Variants in CLCC1 observed in about 807,000 individuals in gnomAD.
The protein encoded by CLCC1 is chloride channel CLIC-like protein 1.
Under a neutral mutation model 63.3 loss-of-function variants are expected in CLCC1, and 39 were observed. That is an observed-to-expected ratio of 0.62 (90% confidence interval 0.48 to 0.81). The LOEUF is 0.81. CLCC1 is among the 30% of genes least tolerant of loss of function. The pLI is 0.00. For synonymous variants in CLCC1, 217 were observed against 239.8 expected, an observed-to-expected ratio of 0.90 and a Z score of 0.88; for missense variants, 549 against 669.4, an observed-to-expected ratio of 0.82 and a Z score of 1.98.
intron 2 of CLCC1, among the ~76,000 whole-genome samples, chr1:108,951,252 C>T (rs1211656197): frequency 1.3e-5 from 2 of 152,134 alleles, no homozygotes; most frequent in African/African-American, 2.4e-5. Flanking sequence ...CGTGGTAGCG[C>T]AAGCCAGTGA....
chr1:108,937,216 G>A lies in CLCC1; in HGVS notation c.1244C>T (p.Thr415Met), dbSNP rs759574194. 16 of 1,612,524 alleles carry A rather than the reference G, an allele frequency of 9.9e-6. No homozygotes were observed. Among genetic ancestry groups the A allele is most frequent in the East Asian group, 8.9e-5 (4 of 44,880 alleles). The part of the protein sequence containing the change: ...GPTEQGPYAK[T>M]YEGRREILRE... ...CAAAATCTCTCTTCTACCCTCATAC[G>A]TTTTGGCATAAGGGCCTTGCTCAGT... Residue 415 changes from threonine (T) to methionine (M), a missense_variant, in exon 11 of 13, where the codon ACG (threonine) becomes ATG (methionine). By Grantham distance (81) the Thr-to-Met change is moderately conservative. Transcript: ENST00000369969.
rs761540646 is a variant in CLCC1 at position 108,937,200 on chromosome 1, T to G, written c.1260A>C (p.Arg420Ser). The G allele has an allele frequency of 1.2e-6, 2 of 1,601,878 alleles. No homozygotes were observed. Among genetic ancestry groups the G allele is most frequent in the Non-Finnish European group, 1.7e-6 (2 of 1,175,410 alleles). ...GPYAKTYEGR[R>S]EILRERDVDL... The stretch of plus-strand genomic sequence containing the variant: ...CAACATCTCTCTCTCTCAAAATCTC[T>G]CTTCTACCCTCATACGTTTTGGCAT... The change falls in exon 11 of 13, where the codon AGA becomes AGC. Residue 420 changes from arginine (R) to serine (S), a missense_variant. Arg to Ser is a moderately radical substitution (Grantham distance 110). Coordinates refer to ENST00000369969, the MANE Select transcript of CLCC1 (RefSeq NM_001377458.1).
chr1:108,958,390 C>T (rs1656183377), intron 2 of CLCC1, among the ~76,000 whole-genome samples: 1 of 151,558 alleles, frequency 6.6e-6, no homozygotes, highest in South Asian at 2.1e-4. Context: ...ACGATGTCCA[C>T]ACTGTAGGTG....
chr1:108,930,524 G>A lies in CLCC1; in HGVS notation c.*2023C>T, dbSNP rs2101582071. 1 of 153,026 alleles carries A rather than the reference G, an allele frequency of 6.5e-6. No homozygotes were observed. The highest frequency in any genetic ancestry group is 6.5e-5 in the Admixed American group (1 of 15,332). 9.5% of individuals were successfully genotyped at this position (153,026 alleles called of 1,614,324 possible). On this transcript the variant is annotated 3_prime_UTR_variant, in exon 13 of 13. Coordinates refer to ENST00000369969, the MANE Select transcript of CLCC1 (RefSeq NM_001377458.1). ...TGTAATCCCAGCACATTGGGAGGCTGAGGCAGGAGGATCGCTTGAGGCTAG... is the reference window on the plus strand; with the variant it reads ...TGTAATCCCAGCACATTGGGAGGCTAAGGCAGGAGGATCGCTTGAGGCTAG...
chr1:108,961,858 TA>T (rs144759211), intron 2 of CLCC1, among the ~76,000 whole-genome samples: 286 of 144,808 alleles, frequency 2.0e-3, no homozygotes, highest in African/African-American at 2.7e-3. Flanking sequence ...AAACTCCGTC[TA>T]AAAAAAAAAA....
In CLCC1 at chr1:108,939,410, C is replaced by T. The variant is rs1421423701; in HGVS notation, c.1041+226G>A. ...CAAGCTCCGCCTCCCAGGTTCACCC[C>T]GTTCTCCTGCCTCAGCCTCCCGAGT... On this transcript the variant is annotated intron_variant, in intron 10 of 12. Transcript: ENST00000369969. Among the ~76,000 whole-genome samples, 9 of 150,836 alleles carry T rather than the reference C, an allele frequency of 6.0e-5. No individual in the cohort carries two copies. The South Asian group carries it at 8.4e-4, about 14-fold the overall frequency.
At position 108,950,444 on chromosome 1, in the gene CLCC1, T is replaced by A. The variant is rs775165172; in HGVS notation, c.-7A>T. On this transcript the variant is annotated 5_prime_UTR_variant, in exon 3 of 13. Transcript: ENST00000369969. ...GGAGCAAAGAACACAGCATCCTGTA[T>A]AAGGCTAAAACAATTTTTAATATAT... 1.3e-6 allele frequency: 2 copies of A among 1,562,602 alleles called. No individual in the cohort carries two copies. The highest frequency in any genetic ancestry group is 1.7e-6 in the Non-Finnish European group (2 of 1,152,220).
At chr1:108,958,327 A>G (rs1656174646) in intron 2 of CLCC1, among the ~76,000 whole-genome samples, 1 of 151,484 alleles carries the variant, frequency 6.6e-6, no homozygotes, top group African/African-American at 2.5e-5. Flanking sequence ...AATTATGCAC[A>G]GCTCTGGATA....
chr1:108,939,404 T>G (rs1486302703), intron 10 of CLCC1, among the ~76,000 whole-genome samples: 1 of 150,504 alleles, frequency 6.6e-6, no homozygotes, highest in East Asian at 1.9e-4. Context: ...CCTCCCAGGT[T>G]CACCCCGTTC....
At chr1:108,961,257 T>C (rs1656587657) in intron 2 of CLCC1, among the ~76,000 whole-genome samples, 1 of 133,146 alleles carries the variant, frequency 7.5e-6, no homozygotes, top group Non-Finnish European at 1.6e-5. Context: ...CAAACAAAGC[T>C]ACATCTAAAC....
At chr1:108,962,788 T>C (rs1490094998) in intron 1 of CLCC1, among the ~76,000 whole-genome samples, 1 of 150,088 alleles carries the variant, frequency 6.7e-6, no homozygotes, top group Non-Finnish European at 1.5e-5. Flanking sequence ...GGAGAATCGC[T>C]GGAACCCGGA....
At position 108,929,633 on chromosome 1, in the gene CLCC1, G is replaced by C; in HGVS notation, c.*2914C>G. On this transcript the variant is annotated 3_prime_UTR_variant, in exon 13 of 13. Coordinates refer to ENST00000369969, the MANE Select transcript of CLCC1 (RefSeq NM_001377458.1). The stretch of plus-strand genomic sequence containing the variant: ...AACTGCGTTTTCTTGTTGTGACTGA[G>C]AGATTTAACATAGCTTGGTGCTTTC... The C allele has an allele frequency of 1.4e-6, 2 of 1,454,630 alleles. No homozygotes were observed. Among genetic ancestry groups the C allele is most frequent in the South Asian group, 2.3e-5 (2 of 86,820 alleles). The allele number at this position is 1,454,630 out of a possible 1,614,324, so 90.1% of individuals were successfully genotyped here.
Position 108,937,112 on chromosome 1 carries a change from C to A in CLCC1, c.1348G>T (p.Ala450Ser). ...EVLRAFDVPD[A>S]EAREHPTVVP... is the part of the protein sequence containing the mutation. ...ACCGTGGGATGCTCTCGTGCCTCTG[C>A]GTCTGGTACATCAAATGCCCGGAGC... Residue 450 changes from alanine to serine, a missense_variant, in exon 11 of 13, where the codon GCA becomes TCA. Transcript: ENST00000369969. 6.6e-7 allele frequency: 1 copy of A among 1,524,242 alleles called. No individual in the cohort carries two copies. The allele number at this position is 1,524,242 out of a possible 1,614,324, so 94.4% of individuals were successfully genotyped here.
chr1:108,929,613 C>T lies in CLCC1; in HGVS notation c.*2934G>A, dbSNP rs1026921995. 40 of 1,217,578 alleles carry T rather than the reference C, an allele frequency of 3.3e-5. 1 individual carries two copies. The highest frequency in any genetic ancestry group is 2.2e-4 in the African/African-American group (15 of 66,806). The allele number at this position is 1,217,578 out of a possible 1,614,324, so 75.4% of individuals were successfully genotyped here. A position where few individuals can be genotyped will look rare whatever the true frequency, so the allele number is the denominator to read the frequency against. ...AGCCCCAAATAAAAGTTTACAACTGCGTTTTCTTGTTGTGACTGAGAGATT... is the reference window on the plus strand; with the variant it reads ...AGCCCCAAATAAAAGTTTACAACTGTGTTTTCTTGTTGTGACTGAGAGATT... On this transcript the variant is annotated 3_prime_UTR_variant, in exon 13 of 13. Transcript: ENST00000369969.
chr1:108,963,206 C>A (rs971399209), intron 1 of CLCC1, among the ~76,000 whole-genome samples, 155 bp downstream of exon 1: 1 of 152,210 alleles, frequency 6.6e-6, no homozygotes, highest in African/African-American at 2.4e-5. Context: ...CACCCACAGG[C>A]CGCAGCGGAC....
Position 108,961,179 on chromosome 1 carries a change from A to G in CLCC1, c.-12+1130T>C, listed in dbSNP as rs551551781. Reference sequence around the variant, plus strand: ...CTAGAAATTCAAGCCCTCCTGCCAGATCCCCATGGTCACTGATTGAAGGCT... The same window carrying G: ...CTAGAAATTCAAGCCCTCCTGCCAGGTCCCCATGGTCACTGATTGAAGGCT... On this transcript the variant is annotated intron_variant, in intron 2 of 12. Coordinates refer to ENST00000369969, the MANE Select transcript of CLCC1 (RefSeq NM_001377458.1). Among the ~76,000 whole-genome samples the G allele has an allele frequency of 6.6e-5, 10 of 150,604 alleles. No individual in the cohort carries two copies. The East Asian group carries it at 2.0e-3, about 30-fold the overall frequency.
At position 108,950,280 on chromosome 1, in the gene CLCC1, C is replaced by T. The variant is rs774873150; in HGVS notation, c.129+29G>A. On this transcript the variant is annotated intron_variant, in intron 3 of 12. Transcript: ENST00000369969. ...TTCCATCATGGGACTGATAAGGTCT[C>T]ACACACATGCACGAATTTTTTTTAA... is the stretch of plus-strand genomic sequence containing the variant. 6.9e-6 allele frequency: 11 copies of T among 1,597,826 alleles called. No homozygotes were observed. The East Asian group carries it at 2.3e-4, about 33-fold the overall frequency.
rs1223950095 is a variant in CLCC1 at position 108,930,695 on chromosome 1, C to CGAA, written c.*1851_*1852insTTC. The stretch of plus-strand genomic sequence containing the variant: ...CTTGAGGTCGGGAGTTTGAGACCAG[C>CGAA]CTGGCCAACATAGTGAAACCCTGTC... On this transcript the variant is annotated 3_prime_UTR_variant, in exon 13 of 13. Transcript: ENST00000369969. The CGAA allele has an allele frequency of 6.6e-6, 1 of 151,760 alleles. No homozygotes were observed. The highest frequency in any genetic ancestry group is 2.4e-5 in the African/African-American group (1 of 41,170). 9.4% of individuals were successfully genotyped at this position (151,760 alleles called of 1,614,324 possible).
At chr1:108,933,855 T>C (rs1284946493) in intron 12 of CLCC1, 2 of 152,162 alleles carry the variant, frequency 1.3e-5, no homozygotes, top group Admixed American at 6.5e-5. Flanking sequence ...AAACTTCCTA[T>C]GGACAAGACA....
Sources: allele counts gnomAD v4.1 joint callset (sites outside exome capture counted in the v4.1 genomes callset), GRCh38; gene constraint gnomAD v4.1.1; transcripts MANE v1.5; gene names NCBI Gene and HGNC (gene_info 2026-07-23, HGNC 2026-07-21).